The following PRKG1 variants were observed in gnomAD, a reference collection of about 807,000 sequenced individuals.
PRKG1 encodes protein kinase cGMP-dependent 1.
Under a neutral mutation model 88.1 loss-of-function variants are expected in PRKG1, and 35 were observed. The observed-to-expected ratio is 0.40, with a 90% CI of 0.30 to 0.53. The LOEUF (loss-of-function observed/expected upper bound fraction) is 0.53, where lower values mean the gene tolerates loss of function less well. Ranked by LOEUF, PRKG1 falls within the 20% of genes least tolerant of loss-of-function variation. The pLI, the probability that PRKG1 is intolerant of heterozygous loss-of-function variation, is 0.59. For missense variants in PRKG1, 540 were observed against 839.8 expected (o/e 0.64, Z 4.41); for synonymous variants, 303 against 292.5 (o/e 1.04, Z -0.37).
intron 2 of PRKG1, among the ~76,000 whole-genome samples, chr10:51,371,767 C>G (rs1376816937): frequency 4.6e-5 from 7 of 152,168 alleles, no homozygotes; most frequent in Admixed American, 6.5e-5. Flanking sequence ...CAGTCACCAT[C>G]ATCAACCCCT....
intron 2 of PRKG1, among the ~76,000 whole-genome samples, chr10:51,412,856 T>G (rs551942663): frequency 2.0e-5 from 3 of 152,160 alleles, no homozygotes; most frequent in African/African-American, 7.2e-5. Context: ...CAGGGTCTTT[T>G]GTTAAGTGTA....
At chr10:52,103,114 A>G (rs896685201) in intron 7 of PRKG1, among the ~76,000 whole-genome samples, 16 of 152,180 alleles carry the variant, frequency 1.1e-4, no homozygotes, top group Admixed American at 6.5e-5. Flanking sequence ...ATGAGAATCT[A>G]ATGCCTAATG....
At chr10:51,005,133 G>C (rs1842928077) in intron 1 of PRKG1, among the ~76,000 whole-genome samples, 1 of 152,204 alleles carries the variant, frequency 6.6e-6, no homozygotes, top group African/African-American at 2.4e-5. Context: ...ATTTGGATCA[G>C]AATTCAATCA....
rs527722031 is a variant in PRKG1 at position 51,142,426 on chromosome 10, C to T, written c.312-10738C>T. On this transcript the variant is annotated intron_variant, in intron 1 of 17. Coordinates refer to ENST00000373980, the MANE Select transcript of PRKG1 (RefSeq NM_006258.4). ...GACTCTTTATTCAGGTGAGTTTAAACGTTAAAATGGCCAAAGATATGAGAA... is the reference window on the plus strand; with the variant it reads ...GACTCTTTATTCAGGTGAGTTTAAATGTTAAAATGGCCAAAGATATGAGAA... Among the ~76,000 whole-genome samples, 29 of 150,776 alleles carry T rather than the reference C, an allele frequency of 1.9e-4. No homozygotes were observed. In the South Asian group the frequency reaches 4.2e-3, roughly 22 times the overall value.
At chr10:51,673,729 C>T (rs1046787174) in intron 3 of PRKG1, among the ~76,000 whole-genome samples, 5 of 152,082 alleles carry the variant, frequency 3.3e-5, no homozygotes, top group South Asian at 4.1e-4. Context: ...TATAAATCCA[C>T]CTGTATTTAT....
At chr10:51,395,739 C>A (rs185449294) in intron 2 of PRKG1, among the ~76,000 whole-genome samples, 11 of 152,270 alleles carry the variant, frequency 7.2e-5, no homozygotes, top group Admixed American at 2.0e-4. Context: ...TATATTCTGG[C>A]ACATTAGGGA....
intron 9 of PRKG1, among the ~76,000 whole-genome samples, chr10:52,215,542 A>C (rs1184049213): frequency 6.6e-6 from 1 of 152,198 alleles, no homozygotes; most frequent in South Asian, 2.1e-4. Context: ...GTACTTTTCA[A>C]TATCACCTCA....
chr10:51,335,615 T>C (rs2132538025), intron 2 of PRKG1, among the ~76,000 whole-genome samples: 1 of 152,232 alleles, frequency 6.6e-6, no homozygotes, highest in South Asian at 2.1e-4. Context: ...TACTGCAAAC[T>C]CGGCCTCCAA....
At chr10:52,176,711 G>T (rs765090443) in intron 9 of PRKG1, among the ~76,000 whole-genome samples, 1 of 151,912 alleles carries the variant, frequency 6.6e-6, no homozygotes, top group Non-Finnish European at 1.5e-5. Flanking sequence ...TGGGGTTTTC[G>T]TTGTAGAGGA....
At chr10:51,626,225 G>A (rs918931707) in intron 3 of PRKG1, among the ~76,000 whole-genome samples, 2 of 152,124 alleles carry the variant, frequency 1.3e-5, no homozygotes, top group African/African-American at 2.4e-5. Flanking sequence ...GTGAAAACTG[G>A]ATGACTGATA....
At position 52,079,792 on chromosome 10, in the gene PRKG1, G is replaced by C. The variant is rs562303038; in HGVS notation, c.935+17161G>C. Among the ~76,000 whole-genome samples the C allele has an allele frequency of 2.0e-5, 3 of 152,266 alleles. No individual in the cohort carries two copies. In the East Asian group the frequency reaches 5.8e-4, roughly 29 times the overall value. On this transcript the variant is annotated intron_variant, in intron 7 of 17. Coordinates refer to ENST00000373980, the MANE Select transcript of PRKG1 (RefSeq NM_006258.4). ...AATTCTGAAGAACAAAAAAATTCTGGTTTGAATTTAGTCTTCCAGATTATT... is the reference window on the plus strand; with the variant it reads ...AATTCTGAAGAACAAAAAAATTCTGCTTTGAATTTAGTCTTCCAGATTATT...
rs1692167697 is a variant in PRKG1, at chr10:51,111,890, TAAAGCCACA to T, written c.311+36990_311+36998del. ...TCTCCTGATCTAAAGATCTTTCTTA[TAAAGCCACA>T]GTGTATGTCAAGAATGAGCAGTAGG... On this transcript the variant is annotated intron_variant, in intron 1 of 17. Coordinates refer to ENST00000373980, the MANE Select transcript of PRKG1 (RefSeq NM_006258.4). Among the ~76,000 whole-genome samples the T allele has an allele frequency of 4.6e-5, 7 of 152,316 alleles. No individual in the cohort carries two copies. The South Asian group carries it at 1.5e-3, about 32-fold the overall frequency.
intron 1 of PRKG1, among the ~76,000 whole-genome samples, chr10:51,053,173 T>C (rs1305387498): frequency 6.6e-6 from 1 of 151,884 alleles, no homozygotes; most frequent in East Asian, 1.9e-4. Context: ...GAGGTTGCAG[T>C]GAGCCAAGAT....
intron 3 of PRKG1, among the ~76,000 whole-genome samples, chr10:51,497,750 G>A (rs1840901170): frequency 6.6e-6 from 1 of 152,026 alleles, no homozygotes; most frequent in Non-Finnish European, 1.5e-5. Flanking sequence ...TTTAGTGTTT[G>A]GGACAAAATC....
Position 51,212,274 on chromosome 10 carries a change from T to C in PRKG1, c.478+58944T>C, listed in dbSNP as rs1318292735. Among the ~76,000 whole-genome samples the C allele has an allele frequency of 2.6e-5, 4 of 151,802 alleles. No homozygotes were observed. The South Asian group carries it at 8.3e-4, about 32-fold the overall frequency. On this transcript the variant is annotated intron_variant, in intron 2 of 17. Transcript: ENST00000373980. The stretch of plus-strand genomic sequence containing the variant: ...AACTGGCTAGCCATATGTAGAAAGC[T>C]GAAACTGGATCCCTTCCTTACACCT...
intron 8 of PRKG1, among the ~76,000 whole-genome samples, chr10:52,150,162 A>T (rs1837866425): frequency 1.2e-5 from 1 of 81,162 alleles, no homozygotes; most frequent in Non-Finnish European, 3.0e-5. Flanking sequence ...TAATAATAAT[A>T]ATAATAATAA....
rs113866801 is a variant in PRKG1, at chr10:52,040,838, T to C, written c.763-13646T>C. Among the ~76,000 whole-genome samples the C allele has an allele frequency of 4.2e-5, 6 of 142,640 alleles. 1 individual carries two copies. In the South Asian group the frequency reaches 7.0e-4, roughly 17 times the overall value. 93.6% of individuals were successfully genotyped at this position (142,640 alleles called of 152,430 possible). On this transcript the variant is annotated intron_variant, in intron 5 of 17. Transcript: ENST00000373980. ...TTTGTCATAAATGGCTTTTCTTTTT[T>C]TTTTTTTTTTTTTTTGAGATGGGAG...
chr10:51,651,935 A>G (rs1441731675), intron 3 of PRKG1, among the ~76,000 whole-genome samples: 1 of 152,094 alleles, frequency 6.6e-6, no homozygotes, highest in Non-Finnish European at 1.5e-5. Flanking sequence ...AACAACAACA[A>G]CTTTGTGTCC....
chr10:52,061,585 TC>T (rs1354236434), intron 6 of PRKG1, among the ~76,000 whole-genome samples: 1 of 152,134 alleles, frequency 6.6e-6, no homozygotes, highest in African/African-American at 2.4e-5. Context: ...AAGTCACAAG[TC>T]CTGTGTGTTC....
Sources: allele counts gnomAD v4.1 joint callset (sites outside exome capture counted in the v4.1 genomes callset), GRCh38; gene constraint gnomAD v4.1.1; transcripts MANE v1.5; gene names NCBI Gene and HGNC (gene_info 2026-07-23, HGNC 2026-07-21).